Variants in ZDHHC14 observed in about 807,000 individuals in gnomAD.
ZDHHC14 encodes palmitoyltransferase ZDHHC14.
A neutral mutation model predicts 47.7 loss-of-function variants in ZDHHC14; 16 were observed. That is an observed-to-expected ratio of 0.34 (90% confidence interval 0.23 to 0.51). The LOEUF (loss-of-function observed/expected upper bound fraction) is 0.51. Ranked by LOEUF, ZDHHC14 falls within the 20% of genes least tolerant of loss-of-function variation. The pLI, the probability that ZDHHC14 is intolerant of heterozygous loss-of-function variation, is 0.97. For missense variants in ZDHHC14, 515 were observed against 662.5 expected (o/e 0.78, Z 2.44); for synonymous variants, 293 against 278.9 (o/e 1.05, Z -0.50).
chr6:157,520,177 C>T (rs1024528109), intron 1 of ZDHHC14, among the ~76,000 whole-genome samples: 1 of 152,188 alleles, frequency 6.6e-6, no homozygotes, highest in South Asian at 2.1e-4. Flanking sequence ...GGCCGTGGCT[C>T]TTGGGATAGT....
intron 1 of ZDHHC14, among the ~76,000 whole-genome samples, chr6:157,480,733 G>A (rs1779606500): frequency 6.6e-6 from 1 of 152,236 alleles, no homozygotes; most frequent in Non-Finnish European, 1.5e-5. Context: ...GTATCACCAT[G>A]ATGGACATTG....
At chr6:157,537,109 C>T (rs143263354) in intron 1 of ZDHHC14, among the ~76,000 whole-genome samples, 2,078 of 56,852 alleles carry the variant, frequency 0.037, 571 homozygotes, top group Non-Finnish European at 0.063. Context: ...TGAGCCACCG[C>T]GCCCGGCTCC....
At chr6:157,470,343 C>T (rs976280736) in intron 1 of ZDHHC14, among the ~76,000 whole-genome samples, 2 of 152,226 alleles carry the variant, frequency 1.3e-5, no homozygotes, top group Non-Finnish European at 2.9e-5. Flanking sequence ...CTCACCCCAG[C>T]CTCCCAAAAT....
At chr6:157,508,220 G>C (rs941923461) in intron 1 of ZDHHC14, among the ~76,000 whole-genome samples, 3 of 152,296 alleles carry the variant, frequency 2.0e-5, no homozygotes, top group Non-Finnish European at 4.4e-5. Context: ...ATACCAGGGT[G>C]GTGGTGAGTC....
intron 2 of ZDHHC14, among the ~76,000 whole-genome samples, chr6:157,576,119 C>T (rs1276838767): frequency 6.6e-6 from 1 of 152,212 alleles, no homozygotes; most frequent in Non-Finnish European, 1.5e-5. Context: ...CAAATGAGCC[C>T]TTCCTCAGGC....
At chr6:157,591,654 A>T (rs555369953) in intron 2 of ZDHHC14, among the ~76,000 whole-genome samples, 1 of 152,170 alleles carries the variant, frequency 6.6e-6, no homozygotes, top group Admixed American at 6.5e-5. Context: ...TCCCACACCA[A>T]TGAAAGACTC....
intron 1 of ZDHHC14, among the ~76,000 whole-genome samples, chr6:157,480,289 T>TC (rs1779595305): frequency 6.7e-6 from 1 of 149,038 alleles, no homozygotes; most frequent in South Asian, 2.1e-4. Flanking sequence ...TTTTTTTTTT[T>TC]CAGAGGCTTG....
intron 1 of ZDHHC14, among the ~76,000 whole-genome samples, chr6:157,408,091 A>T: frequency 6.6e-6 from 1 of 152,204 alleles, no homozygotes. Flanking sequence ...GCAAGTTGTG[A>T]TAGGTGGGCT....
Position 157,674,769 on chromosome 6 carries a change from C to T in ZDHHC14, c.*1647C>T, listed in dbSNP as rs1357035016. On this transcript the variant is annotated 3_prime_UTR_variant, in exon 9 of 9. Transcript: ENST00000359775. ...TTTTATTTGGAATGAAGGCAATTCA[C>T]AGGTCACAAAATAATTCATGCTGAA... 6.6e-6 allele frequency: 1 copy of T among 152,222 alleles called. No homozygotes were observed. Among genetic ancestry groups the T allele is most frequent in the Non-Finnish European group, 1.5e-5 (1 of 68,040 alleles). 9.4% of individuals were successfully genotyped at this position (152,222 alleles called of 1,614,324 possible).
intron 1 of ZDHHC14, among the ~76,000 whole-genome samples, chr6:157,540,735 ATTTAAGTTTTT>A: frequency 6.6e-6 from 1 of 152,026 alleles, no homozygotes; most frequent in African/African-American, 2.4e-5. Flanking sequence ...CGAATTGTGA[ATTTAAGTTTTT>A]TTGGAAAATT....
intron 2 of ZDHHC14, among the ~76,000 whole-genome samples, chr6:157,580,727 TGTGTGTG>T: frequency 6.6e-6 from 1 of 151,480 alleles, no homozygotes; most frequent in Admixed American, 6.6e-5. Flanking sequence ...TGTGTGTGTG[TGTGTGTG>T]TTTTTTTCTT....
intron 2 of ZDHHC14, among the ~76,000 whole-genome samples, chr6:157,579,291 G>A (rs559861098): frequency 6.0e-5 from 8 of 132,654 alleles, no homozygotes; most frequent in Middle Eastern, 4.7e-3. Flanking sequence ...TCTGCCTCCC[G>A]GGTTCATGCC....
chr6:157,637,374 G>A (rs772804027), intron 5 of ZDHHC14, among the ~76,000 whole-genome samples: 50 of 152,178 alleles, frequency 3.3e-4, no homozygotes, highest in Middle Eastern at 6.3e-3. Flanking sequence ...AGTGTGGTGG[G>A]GGATTCTAGC....
chr6:157,415,569 G>A (rs1777956551), intron 1 of ZDHHC14, among the ~76,000 whole-genome samples: 1 of 152,168 alleles, frequency 6.6e-6, no homozygotes, highest in African/African-American at 2.4e-5. Flanking sequence ...TGCTTTAGAA[G>A]GGTGGATTAA....
chr6:157,518,145 A>G (rs1194901350), intron 1 of ZDHHC14, among the ~76,000 whole-genome samples: 1 of 152,152 alleles, frequency 6.6e-6, no homozygotes, highest in Non-Finnish European at 1.5e-5. Context: ...GGAAGGCCTA[A>G]TAGAACAAAG....
At chr6:157,434,016 C>A (rs998014706) in intron 1 of ZDHHC14, among the ~76,000 whole-genome samples, 1 of 152,130 alleles carries the variant, frequency 6.6e-6, no homozygotes, top group East Asian at 1.9e-4. Flanking sequence ...TAGCTATCAG[C>A]CCATGTGATG....
At chr6:157,503,578 A>G (rs1247715537) in intron 1 of ZDHHC14, among the ~76,000 whole-genome samples, 1 of 152,118 alleles carries the variant, frequency 6.6e-6, no homozygotes, top group Non-Finnish European at 1.5e-5. Context: ...ACTCAGAGTC[A>G]CCTACTGTCT....
intron 1 of ZDHHC14, among the ~76,000 whole-genome samples, chr6:157,416,313 G>A (rs1201496335): frequency 6.6e-6 from 1 of 152,110 alleles, no homozygotes; most frequent in African/African-American, 2.4e-5. Flanking sequence ...TTGAATTTCT[G>A]TGAAGTGTTA....
At chr6:157,436,492 G>A (rs1778441501) in intron 1 of ZDHHC14, among the ~76,000 whole-genome samples, 1 of 149,922 alleles carries the variant, frequency 6.7e-6, no homozygotes, top group African/African-American at 2.5e-5. Context: ...GATTGGAGCA[G>A]AGGCAATGAC....
Sources: allele counts gnomAD v4.1 joint callset (sites outside exome capture counted in the v4.1 genomes callset), GRCh38; gene constraint gnomAD v4.1.1; transcripts MANE v1.5; gene names NCBI Gene and HGNC (gene_info 2026-07-23, HGNC 2026-07-21).